Variants in FIG4 observed in about 807,000 individuals in gnomAD.
FIG4 encodes polyphosphoinositide phosphatase.
A neutral mutation model predicts 118.6 loss-of-function variants in FIG4; 112 were observed. The ratio of observed to expected loss-of-function variants is 0.94; its 90% confidence interval spans 0.81 to 1.11. The LOEUF (loss-of-function observed/expected upper bound fraction) is 1.11. Among genes scored for constraint, FIG4 ranks in the 50% least tolerant of loss-of-function variants. The pLI, the probability that FIG4 is intolerant of heterozygous loss-of-function variation, is 0.00. For synonymous variants in FIG4, 369 were observed against 381.2 expected, an observed-to-expected ratio of 0.97 and a Z score of 0.37; for missense variants, 969 against 1,111.7, an observed-to-expected ratio of 0.87 and a Z score of 1.83.
intron 22 of FIG4, among the ~76,000 whole-genome samples, chr6:109,800,265 G>A (rs1244310353): frequency 6.6e-6 from 1 of 152,150 alleles, no homozygotes; most frequent in Non-Finnish European, 1.5e-5. Flanking sequence ...AGCATTAACA[G>A]ACCTCATTTT....
intron 10 of FIG4, among the ~76,000 whole-genome samples, chr6:109,757,479 A>G (rs1327548636): frequency 6.6e-6 from 1 of 152,244 alleles, no homozygotes; most frequent in Non-Finnish European, 1.5e-5. Context: ...AATAAGAGCT[A>G]TTTGTAACAA....
intron 1 of FIG4, chr6:109,701,635 C>T (rs939181669): frequency 8.6e-6 from 4 of 467,148 alleles, no homozygotes; most frequent in Non-Finnish European, 1.8e-5. Context: ...TATATGTATG[C>T]ATTTATTGCC....
chr6:109,748,111 T>G (rs1776561882), intron 10 of FIG4, among the ~76,000 whole-genome samples: 1 of 152,054 alleles, frequency 6.6e-6, no homozygotes, highest in Non-Finnish European at 1.5e-5. Flanking sequence ...AAGGTTTAAG[T>G]CTTTTGTACG....
chr6:109,707,119 T>C (rs1422696593), intron 1 of FIG4, among the ~76,000 whole-genome samples: 1 of 152,140 alleles, frequency 6.6e-6, no homozygotes, highest in African/African-American at 2.4e-5. Flanking sequence ...TTATAACTCA[T>C]AGTGTCATCT....
intron 4 of FIG4, among the ~76,000 whole-genome samples, chr6:109,727,492 T>A (rs1277888022): frequency 6.6e-6 from 1 of 152,200 alleles, no homozygotes; most frequent in Admixed American, 6.6e-5. Context: ...ATTTTAGAAT[T>A]TTTGTTAAGA....
intron 6 of FIG4, 145 bp from the exon 7 acceptor site, chr6:109,738,180 G>C (rs1007352073): frequency 1.3e-5 from 9 of 695,414 alleles, no homozygotes; most frequent in Non-Finnish European, 2.0e-5. Flanking sequence ...AACCAAGCAT[G>C]TTACTTTGAA....
intron 1 of FIG4, among the ~76,000 whole-genome samples, chr6:109,697,650 C>T (rs1004398515): frequency 6.6e-6 from 1 of 152,190 alleles, no homozygotes; most frequent in African/African-American, 2.4e-5. Context: ...AATATTCTTA[C>T]ACAGGTTAGC....
intron 16 of FIG4, among the ~76,000 whole-genome samples, chr6:109,777,428 G>GTTT (rs1410962977): frequency 1.5e-4 from 23 of 152,176 alleles, no homozygotes; most frequent in Admixed American, 1.5e-3. Flanking sequence ...TGAAGTTTCA[G>GTTT]AACTTCCTTG....
intron 22 of FIG4, among the ~76,000 whole-genome samples, chr6:109,798,378 CAT>C: frequency 6.6e-6 from 1 of 152,110 alleles, no homozygotes; most frequent in South Asian, 2.1e-4. Flanking sequence ...TCATTCAACA[CAT>C]AGGTATTGAA....
At chr6:109,795,271 A>T (rs2128398124) in intron 21 of FIG4, among the ~76,000 whole-genome samples, 1 of 151,632 alleles carries the variant, frequency 6.6e-6, no homozygotes. Flanking sequence ...GTTTTTAGAA[A>T]ACTCTGGCAG....
At chr6:109,711,785 C>T (rs147055173) in intron 1 of FIG4, among the ~76,000 whole-genome samples, 50 of 152,124 alleles carry the variant, frequency 3.3e-4, no homozygotes, top group African/African-American at 1.1e-3. Flanking sequence ...AGAATTGATA[C>T]GTGTGAACCT....
intron 22 of FIG4, among the ~76,000 whole-genome samples, chr6:109,806,566 T>C (rs1004270676): frequency 2.0e-5 from 3 of 151,876 alleles, no homozygotes; most frequent in African/African-American, 7.3e-5. Flanking sequence ...ATCATCTGAT[T>C]CCATCCTCTG....
At chr6:109,743,057 C>T (rs1583671022) in intron 8 of FIG4, 53 bp from the exon 9 acceptor site, 1 of 662,178 alleles carries the variant, frequency 1.5e-6, no homozygotes, top group Non-Finnish European at 2.5e-6. Flanking sequence ...AAAGTTATTT[C>T]ATTAAACATT....
At chr6:109,710,253 A>G (rs759741250) in intron 1 of FIG4, among the ~76,000 whole-genome samples, 8 of 152,240 alleles carry the variant, frequency 5.3e-5, no homozygotes, top group Non-Finnish European at 1.0e-4. Flanking sequence ...ATGGTGAGTC[A>G]CATTTATTGA....
chr6:109,762,153 GTT>G lies in FIG4; in HGVS notation c.1336_1337del (p.Phe446LeufsTer6). 1 of 1,613,736 alleles carries G rather than the reference GTT, an allele frequency of 6.2e-7. No individual in the cohort carries two copies. Among genetic ancestry groups the G allele is most frequent in the Non-Finnish European group, 8.5e-7 (1 of 1,179,700 alleles). On this transcript the variant is annotated frameshift_variant, in exon 12 of 23. Transcript: ENST00000230124. LOFTEE classifies it high-confidence loss of function. Reference sequence around the variant, plus strand: ...GCAGAAAGTGTGGTGAAGAAAACAGGTTTCTTTGTAAACCGCCCTGATTCTTA... The same window carrying G: ...GCAGAAAGTGTGGTGAAGAAAACAGGTCTTTGTAAACCGCCCTGATTCTTA...
At chr6:109,716,020 G>A (rs1316495941) in intron 2 of FIG4, among the ~76,000 whole-genome samples, 2 of 152,178 alleles carry the variant, frequency 1.3e-5, no homozygotes, top group Non-Finnish European at 2.9e-5. Flanking sequence ...ACAATATAAT[G>A]TAATGGTTCT....
At chr6:109,782,015 A>T (rs1777821017) in intron 16 of FIG4, among the ~76,000 whole-genome samples, 1 of 152,038 alleles carries the variant, frequency 6.6e-6, no homozygotes, top group Non-Finnish European at 1.5e-5. Flanking sequence ...GACATTCATG[A>T]ATGTTTCAGG....
At chr6:109,717,863 G>A (rs1775482203) in intron 3 of FIG4, among the ~76,000 whole-genome samples, 1 of 152,154 alleles carries the variant, frequency 6.6e-6, no homozygotes, top group South Asian at 2.1e-4. Context: ...CTTATTTTGA[G>A]TCTTTTTTTC....
Position 109,743,103 on chromosome 6 carries a change from T to C in FIG4, c.877-7T>C, listed in dbSNP as rs1776375647. 2.5e-6 allele frequency: 4 copies of C among 1,611,074 alleles called. No individual in the cohort carries two copies. Among genetic ancestry groups the C allele is most frequent in the Non-Finnish European group, 3.4e-6 (4 of 1,177,720 alleles). ...TAAAATATTTTTCAATGCACCTTTC[T>C]TTTCAGGGTGATGTTGCAAATGAAG... On this transcript the variant is annotated splice_region_variant and splice_polypyrimidine_tract_variant and intron_variant, in intron 8 of 22. Coordinates refer to ENST00000230124, the MANE Select transcript of FIG4 (RefSeq NM_014845.6).
Sources: allele counts gnomAD v4.1 joint callset (sites outside exome capture counted in the v4.1 genomes callset), GRCh38; gene constraint gnomAD v4.1.1; transcripts MANE v1.5; gene names NCBI Gene and HGNC (gene_info 2026-07-23, HGNC 2026-07-21).